TBC1D32: variants seen among roughly 807,000 people sequenced by gnomAD.
TBC1D32 encodes the protein protein broad-minded.
TBC1D32 carries 151 observed loss-of-function variants against 170.3 expected under a neutral mutation model. The ratio of observed to expected loss-of-function variants is 0.89; its 90% confidence interval spans 0.78 to 1.01. The LOEUF (loss-of-function observed/expected upper bound fraction) is 1.01, where lower values mean the gene tolerates loss of function less well. Ranked by LOEUF, TBC1D32 falls within the 50% of genes least tolerant of loss-of-function variation. The pLI, the probability that TBC1D32 is intolerant of heterozygous loss-of-function variation, is 0.00. For synonymous variants in TBC1D32, 498 were observed against 488.0 expected, an observed-to-expected ratio of 1.02 and a Z score of -0.27; for missense variants, 1,464 against 1,457.1, an observed-to-expected ratio of 1.00 and a Z score of -0.08.
At chr6:121,081,512 T>C (rs934384136) in intron 31 of TBC1D32, among the ~76,000 whole-genome samples, 2 of 152,016 alleles carry the variant, frequency 1.3e-5, no homozygotes, top group African/African-American at 4.8e-5. Context: ...AAACAAAATA[T>C]GCGAAGAAAA....
At chr6:121,264,254 C>T (rs547907507) in intron 15 of TBC1D32, among the ~76,000 whole-genome samples, 1 of 152,100 alleles carries the variant, frequency 6.6e-6, no homozygotes, top group East Asian at 1.9e-4. Flanking sequence ...ATATCACCAC[C>T]AACCCCACAG....
At chr6:121,310,967 T>C (rs911689657) in intron 3 of TBC1D32, 120 bp from the exon 4 acceptor site, 14 of 662,278 alleles carry the variant, frequency 2.1e-5, no homozygotes, top group Admixed American at 1.4e-4. Context: ...AAGGAGATGA[T>C]CTATTTTGAT....
intron 21 of TBC1D32, among the ~76,000 whole-genome samples, chr6:121,221,212 G>A (rs4458731): frequency 0.86 from 130,761 of 152,158 alleles, 56,850 homozygotes; most frequent in Middle Eastern, 0.95. Context: ...GTACATATGT[G>A]ACTGCATGGG....
intron 22 of TBC1D32, among the ~76,000 whole-genome samples, chr6:121,201,783 T>C (rs1791599189): frequency 6.6e-6 from 1 of 151,258 alleles, no homozygotes; most frequent in East Asian, 1.9e-4. Flanking sequence ...CTAGAATGAT[T>C]TTCCACAGTG....
rs776846339 is a variant in TBC1D32 at position 121,256,057 on chromosome 6, G to GA, written c.1935+26dup. The GA allele has an allele frequency of 1.3e-5, 20 of 1,587,632 alleles. No individual in the cohort carries two copies. The East Asian group carries it at 1.8e-4, about 14-fold the overall frequency. On this transcript the variant is annotated intron_variant, in intron 16 of 31. Coordinates refer to ENST00000398212, the MANE Select transcript of TBC1D32 (RefSeq NM_152730.6). ...TATTTGAAATAAAGATTTGCAGGGA[G>GA]AAAAAACGAAGCTTGAAAATACTTA...
In TBC1D32 at chr6:121,308,757, G is replaced by C. The variant is rs569871898; in HGVS notation, c.565-656C>G. Among the ~76,000 whole-genome samples the C allele has an allele frequency of 2.5e-3, 335 of 132,590 alleles. 1 individual carries two copies. Among genetic ancestry groups the C allele is most frequent in the African/African-American group, 9.1e-3 (313 of 34,342 alleles). The allele number at this position is 132,590 out of a possible 152,430, so 87.0% of individuals were successfully genotyped here. On this transcript the variant is annotated intron_variant, in intron 4 of 31. Coordinates refer to ENST00000398212, the MANE Select transcript of TBC1D32 (RefSeq NM_152730.6). Reference sequence around the variant, plus strand: ...AGGCCAGACTGCGGACTGCAGTGGCGCAATCTCGGCTCGCTGCAGAAAGCT... The same window carrying C: ...AGGCCAGACTGCGGACTGCAGTGGCCCAATCTCGGCTCGCTGCAGAAAGCT...
intron 21 of TBC1D32, among the ~76,000 whole-genome samples, chr6:121,213,858 C>A (rs888908303): frequency 7.9e-5 from 12 of 152,026 alleles, no homozygotes; most frequent in African/African-American, 2.9e-4. Flanking sequence ...GCAAAAAGAA[C>A]AAAGCTGGAG....
At chr6:121,207,686 C>G (rs1474303595) in intron 21 of TBC1D32, among the ~76,000 whole-genome samples, 1 of 152,062 alleles carries the variant, frequency 6.6e-6, no homozygotes, top group Non-Finnish European at 1.5e-5. Flanking sequence ...CCAGGACTTA[C>G]AAAAAGTAGA....
At chr6:121,264,898 T>G (rs538690464) in intron 15 of TBC1D32, among the ~76,000 whole-genome samples, 7 of 152,308 alleles carry the variant, frequency 4.6e-5, no homozygotes, top group African/African-American at 1.7e-4. Flanking sequence ...AAACTAGGTA[T>G]TGATGGAACA....
In TBC1D32 at chr6:121,311,531, C is replaced by T. The variant is rs575393872; in HGVS notation, c.496-684G>A. On this transcript the variant is annotated intron_variant, in intron 3 of 31. Coordinates refer to ENST00000398212, the MANE Select transcript of TBC1D32 (RefSeq NM_152730.6). ...GATCACGAGGTCAAGAGATCTAGAC[C>T]ATCCTGGCCAACATGGTGAAACCCT... Among the ~76,000 whole-genome samples, 82 of 152,132 alleles carry T rather than the reference C, an allele frequency of 5.4e-4. 1 individual carries two copies. The highest frequency in any genetic ancestry group is 3.4e-3 in the Middle Eastern group (1 of 294).
chr6:121,244,484 C>T (rs1320823599), intron 17 of TBC1D32, among the ~76,000 whole-genome samples: 1 of 152,042 alleles, frequency 6.6e-6, no homozygotes, highest in Non-Finnish European at 1.5e-5. Flanking sequence ...TTAGGTGGGA[C>T]CTGCTGTGGG....
At chr6:121,172,435 C>T (rs1338017696) in intron 22 of TBC1D32, among the ~76,000 whole-genome samples, 1 of 152,066 alleles carries the variant, frequency 6.6e-6, no homozygotes, top group Non-Finnish European at 1.5e-5. Context: ...TAGGGTGTCT[C>T]CTGGTATTAC....
At chr6:121,310,933 C>A in intron 3 of TBC1D32, 86 bp from the exon 4 acceptor site, 1 of 772,264 alleles carries the variant, frequency 1.3e-6, no homozygotes, top group South Asian at 1.6e-5. Flanking sequence ...TAATTCCAAG[C>A]ACAAAACACA....
intron 30 of TBC1D32, among the ~76,000 whole-genome samples, chr6:121,092,308 T>TG: frequency 6.9e-6 from 1 of 144,502 alleles, no homozygotes; most frequent in South Asian, 2.3e-4. Context: ...TTTTTTTTTT[T>TG]TTTTTTTTTT....
intron 2 of TBC1D32, among the ~76,000 whole-genome samples, chr6:121,319,862 A>G (rs1809453553): frequency 6.6e-6 from 1 of 152,172 alleles, no homozygotes; most frequent in African/African-American, 2.4e-5. Context: ...AGTTTTGAAA[A>G]GACTAAGAAA....
intron 12 of TBC1D32, among the ~76,000 whole-genome samples, chr6:121,286,745 C>T (rs1487469450): frequency 3.9e-5 from 6 of 152,120 alleles, no homozygotes; most frequent in Non-Finnish European, 5.9e-5. Context: ...TAAAGGGCAG[C>T]CAGAGAGAAA....
intron 20 of TBC1D32, among the ~76,000 whole-genome samples, chr6:121,235,385 G>A (rs985676240): frequency 2.0e-5 from 3 of 152,128 alleles, no homozygotes; most frequent in Non-Finnish European, 2.9e-5. Context: ...AGGGAGAGGC[G>A]TGTCTGAGCT....
rs550662130 is a variant in TBC1D32, at chr6:121,080,303, C to T, written c.*468G>A. On this transcript the variant is annotated 3_prime_UTR_variant, in exon 32 of 32. Transcript: ENST00000398212. ...CACAATCTTGGCTCACTGCAACCTC[C>T]GCCTCCCGGGTTCAAGCGATTCTCC... is the stretch of plus-strand genomic sequence containing the variant. 4.4e-5 allele frequency: 12 copies of T among 274,050 alleles called. No homozygotes were observed. Among genetic ancestry groups the T allele is most frequent in the Admixed American group, 1.1e-4 (3 of 28,420 alleles). 17.0% of individuals were successfully genotyped at this position (274,050 alleles called of 1,614,324 possible).
intron 3 of TBC1D32, among the ~76,000 whole-genome samples, chr6:121,311,516 T>C (rs192380813): frequency 3.7e-4 from 57 of 152,054 alleles, no homozygotes; most frequent in African/African-American, 1.3e-3. Flanking sequence ...GATCACGAGG[T>C]CAAGAGATCT....
Sources: allele counts gnomAD v4.1 joint callset (sites outside exome capture counted in the v4.1 genomes callset), GRCh38; gene constraint gnomAD v4.1.1; transcripts MANE v1.5; gene names NCBI Gene and HGNC (gene_info 2026-07-23, HGNC 2026-07-21).